Variants in APTX observed in about 807,000 individuals in gnomAD.
APTX encodes the protein aprataxin.
APTX carries 33 observed loss-of-function variants against 42.3 expected under a neutral mutation model. The observed-to-expected ratio is 0.78, with a 90% confidence interval of 0.59 to 1.04. The LOEUF is 1.04. APTX is among the 50% of genes least tolerant of loss of function. The pLI is 0.00. For synonymous variants in APTX, 130 were observed against 146.7 expected, an observed-to-expected ratio of 0.89 and a Z score of 0.82; for missense variants, 421 against 415.1, an observed-to-expected ratio of 1.01 and a Z score of -0.12.
At chr9:32,986,256 C>T in intron 4 of APTX, 1 of 647,250 alleles carries the variant, frequency 1.5e-6, no homozygotes, top group South Asian at 1.5e-5. Context: ...TCTGTCTCAC[C>T]CAAGCTGGAG....
At chr9:33,002,708 A>G (rs1274532480), upstream of APTX, among the ~76,000 whole-genome samples, 3 of 152,172 alleles carry the variant, frequency 2.0e-5, no homozygotes, top group Non-Finnish European at 4.4e-5. Context: ...TATACCTATC[A>G]TGAAGTTCCT....
intron 1 of APTX, among the ~76,000 whole-genome samples, chr9:32,995,810 T>C (rs893837019): frequency 2.0e-5 from 3 of 148,598 alleles, no homozygotes; most frequent in East Asian, 2.0e-4. Context: ...ATGGTGTGAA[T>C]CCGGGAGGCG....
In APTX at chr9:32,984,808, G is replaced by A. The variant is rs748165574; in HGVS notation, c.593C>T (p.Ala198Val). ...CGGTAAGACCAGCCAATGGTAACGG[G>A]CCTTTGGGTATTTATCCTTTATCAC... ...VVVIKDKYPK[A>V]RYHWLVLPWT... Residue 198 changes from alanine (A) to valine (V), a missense_variant, in exon 6 of 8, where the codon GCC becomes GTC. By Grantham distance (64) the Ala-to-Val change is moderately conservative. Coordinates refer to ENST00000379817, the MANE Select transcript of APTX (RefSeq NM_001195248.2). 5 of 1,614,090 alleles carry A rather than the reference G, an allele frequency of 3.1e-6. No homozygotes were observed. Among genetic ancestry groups the A allele is most frequent in the Admixed American group, 1.7e-5 (1 of 60,004 alleles).
chr9:33,018,500 G>A (rs1490837476), intron 1 of APTX, among the ~76,000 whole-genome samples: 12 of 149,284 alleles, frequency 8.0e-5, no homozygotes, highest in African/African-American at 3.0e-4. Flanking sequence ...CCCAGGAGGC[G>A]GAGGTTGCAG....
At chr9:32,985,004 T>G in intron 5 of APTX, 147 bp from the exon 6 acceptor site, 1 of 735,584 alleles carries the variant, frequency 1.4e-6, no homozygotes, top group African/African-American at 1.7e-5. Flanking sequence ...AGCACTGAAA[T>G]TCAGACAGGT....
intron 3 of APTX, 31 bp from the exon 4 acceptor site, chr9:32,987,877 A>G (rs531742652): frequency 1.4e-5 from 22 of 1,609,434 alleles, no homozygotes; most frequent in African/African-American, 1.1e-4. Flanking sequence ...AAATAATTAT[A>G]ATAATAGCAA....
intron 1 of APTX, among the ~76,000 whole-genome samples, chr9:33,008,506 G>T (rs1251427565): frequency 6.6e-6 from 1 of 151,396 alleles, no homozygotes; most frequent in Non-Finnish European, 1.5e-5. Context: ...CTCCCAAAGT[G>T]CTGGAATTAC....
At chr9:33,003,000 C>G (rs1836808057), upstream of APTX, among the ~76,000 whole-genome samples, 1 of 152,188 alleles carries the variant, frequency 6.6e-6, no homozygotes. Context: ...AGCAGCATCT[C>G]AGCAGCCACA....
chr9:33,024,864 G>GGC (rs1554677525), intron 1 of APTX: 24 of 49,706 alleles, frequency 4.8e-4, no homozygotes, highest in African/African-American at 1.4e-3. Context: ...CCGTAAGAGG[G>GGC]GGGGGGGGGG....
At position 32,973,438 on chromosome 9, in the gene APTX, T is replaced by G. The variant is rs570803022; in HGVS notation, c.*60A>C. 1 of 1,577,894 alleles carries G rather than the reference T, an allele frequency of 6.3e-7. No individual in the cohort carries two copies. The highest frequency in any genetic ancestry group is 1.7e-5 in the Admixed American group (1 of 59,988). ...GTAGAAGTTCACAAGCAACCCAGAA[T>G]AGGTGCCAGCAGTTTGCTCCAGTGG... On this transcript the variant is annotated 3_prime_UTR_variant, in exon 8 of 8. Coordinates refer to ENST00000379817, the MANE Select transcript of APTX (RefSeq NM_001195248.2).
At position 32,989,942 on chromosome 9, in the gene APTX, A is replaced by T. The variant is rs1423192562; in HGVS notation, c.-4-47T>A. The T allele has an allele frequency of 1.9e-6, 3 of 1,586,564 alleles. No homozygotes were observed. In the South Asian group the frequency reaches 3.4e-5, roughly 18 times the overall value. ...TCACTAGAAAAACAGATCCACTAGC[A>T]CGAGTCCTCCAGGGCCACACCCGGT... On this transcript the variant is annotated intron_variant, in intron 1 of 7. Coordinates refer to ENST00000379817, the MANE Select transcript of APTX (RefSeq NM_001195248.2).
upstream of APTX, among the ~76,000 whole-genome samples, chr9:33,002,355 A>C (rs1465753150): frequency 6.6e-6 from 1 of 152,156 alleles, no homozygotes; most frequent in African/African-American, 2.4e-5. Context: ...CCATCTGTGC[A>C]CTTCCCTGTA....
intron 5 of APTX, 108 bp downstream of exon 5, chr9:32,985,863 T>A (rs1364853845): frequency 3.8e-6 from 4 of 1,041,936 alleles, no homozygotes; most frequent in East Asian, 2.4e-5. Context: ...ATAAAATGAA[T>A]CTCATTCAGA....
At chr9:32,993,072 G>C (rs993265722) in intron 1 of APTX, among the ~76,000 whole-genome samples, 1 of 152,228 alleles carries the variant, frequency 6.6e-6, no homozygotes, top group African/African-American at 2.4e-5. Context: ...CTGACAATAA[G>C]AGAAGCCAGA....
intron 1 of APTX, among the ~76,000 whole-genome samples, chr9:33,016,979 G>GAT (rs1379105589): frequency 2.0e-5 from 3 of 152,124 alleles, no homozygotes; most frequent in Non-Finnish European, 2.9e-5. Context: ...AGATGCTTGC[G>GAT]ATATATTATA....
chr9:33,004,764 C>A (rs1222910181), upstream of APTX, among the ~76,000 whole-genome samples: 1 of 151,314 alleles, frequency 6.6e-6, no homozygotes, highest in Non-Finnish European at 1.5e-5. Context: ...TCCTGAGTAG[C>A]TGGGACTACA....
At chr9:32,992,944 G>A (rs1401595324) in intron 1 of APTX, among the ~76,000 whole-genome samples, 2 of 152,222 alleles carry the variant, frequency 1.3e-5, no homozygotes, top group Admixed American at 6.5e-5. Flanking sequence ...AATGCTATGC[G>A]TTCCAAGGGG....
Position 32,992,583 on chromosome 9 carries a change from G to A in APTX, c.-4-2688C>T, listed in dbSNP as rs3758266. ...TTGGCTGAACCAGAGGAGCTGCCTC[G>A]GAGAGTCACAAAAAAAGACAGAGGT... On this transcript the variant is annotated intron_variant, in intron 1 of 7. Coordinates refer to ENST00000379817, the MANE Select transcript of APTX (RefSeq NM_001195248.2). Among the ~76,000 whole-genome samples the A allele has an allele frequency of 2.0e-4, 31 of 152,276 alleles. No individual in the cohort carries two copies. In the East Asian group the frequency reaches 3.5e-3, roughly 17 times the overall value.
intron 6 of APTX, among the ~76,000 whole-genome samples, chr9:32,979,297 T>C (rs1830173754): frequency 6.6e-6 from 1 of 152,116 alleles, no homozygotes; most frequent in Admixed American, 6.5e-5. Flanking sequence ...TGGTATTTGG[T>C]TTTCTGCTCC....
Sources: gnomAD v4.1 joint callset for allele counts (sites outside exome capture counted in the v4.1 genomes callset) on GRCh38, gnomAD v4.1.1 for gene constraint, MANE v1.5 for transcripts, NCBI Gene and HGNC (gene_info 2026-07-23, HGNC 2026-07-21) for gene names.